LINGO2: variants seen among roughly 807,000 people sequenced by gnomAD.
The protein encoded by LINGO2 is leucine rich repeat and Ig domain containing 2.
Under a neutral mutation model 30.6 loss-of-function variants are expected in LINGO2, and 14 were observed. That is an observed-to-expected ratio of 0.46 (90% CI 0.30 to 0.72). The LOEUF is 0.72. Among genes scored for constraint, LINGO2 ranks in the 30% least tolerant of loss-of-function variants. The pLI, the probability that LINGO2 is intolerant of heterozygous loss-of-function variation, is 0.07. For synonymous variants in LINGO2, 317 were observed against 288.5 expected (o/e 1.10, Z -1.00); for missense variants, 729 against 751.7 (o/e 0.97, Z 0.35).
At chr9:28,714,599 TTTTGGTG>T in the LINGO2 span, among the ~76,000 whole-genome samples, 2 of 152,054 alleles carry the variant, frequency 1.3e-5, no homozygotes, top group Non-Finnish European at 2.9e-5. Flanking sequence ...ACGGCAGTCA[TTTTGGTG>T]TTTTAATGAG....
chr9:28,568,456 C>T (rs1039991794), intron 1 of LINGO2, among the ~76,000 whole-genome samples: 1 of 152,002 alleles, frequency 6.6e-6, no homozygotes, highest in Admixed American at 6.6e-5. Context: ...AACAATCCCA[C>T]ACATGTATTG....
At chr9:28,729,367 T>C in the LINGO2 span, among the ~76,000 whole-genome samples, 1 of 152,108 alleles carries the variant, frequency 6.6e-6, no homozygotes, top group Non-Finnish European at 1.5e-5. Flanking sequence ...AGATATTCCA[T>C]ACATCTGAGA....
At chr9:28,379,398 G>A (rs1243600962) in intron 2 of LINGO2, among the ~76,000 whole-genome samples, 2 of 152,092 alleles carry the variant, frequency 1.3e-5, no homozygotes, top group Non-Finnish European at 2.9e-5. Flanking sequence ...GTAGAGTGGT[G>A]TGGTTCAAAG....
At chr9:27,995,340 C>G (rs1821605924) in intron 5 of LINGO2, among the ~76,000 whole-genome samples, 1 of 152,138 alleles carries the variant, frequency 6.6e-6, no homozygotes, top group Non-Finnish European at 1.5e-5. Context: ...TCTACTCAAA[C>G]TGTTACAAAA....
At chr9:28,534,586 T>G (rs1014950953) in intron 1 of LINGO2, among the ~76,000 whole-genome samples, 7 of 152,190 alleles carry the variant, frequency 4.6e-5, no homozygotes, top group Non-Finnish European at 8.8e-5. Flanking sequence ...CTAAGAAAAC[T>G]TTCTTAATTT....
chr9:28,943,682 G>GA, the LINGO2 span, among the ~76,000 whole-genome samples: 24,311 of 152,020 alleles, frequency 0.16, 1,976 homozygotes, highest in South Asian at 0.2. Flanking sequence ...AAAACGAATT[G>GA]AAAAAAGTAA....
chr9:28,480,023 G>T (rs1825897266), intron 1 of LINGO2, among the ~76,000 whole-genome samples: 1 of 143,138 alleles, frequency 7.0e-6, no homozygotes, highest in African/African-American at 2.6e-5. Flanking sequence ...ATAATAAATT[G>T]CTATTATTTG....
At chr9:28,870,258 C>T in the LINGO2 span, among the ~76,000 whole-genome samples, 1 of 152,010 alleles carries the variant, frequency 6.6e-6, no homozygotes, top group African/African-American at 2.4e-5. Flanking sequence ...TGACAACAAT[C>T]GAACTGCACA....
At chr9:28,479,879 G>GTA (rs1292043201) in intron 1 of LINGO2, among the ~76,000 whole-genome samples, 30 of 124,428 alleles carry the variant, frequency 2.4e-4, no homozygotes, top group African/African-American at 8.4e-4. Flanking sequence ...GTGTGTGTGT[G>GTA]TGTGTATGTG....
intron 4 of LINGO2, among the ~76,000 whole-genome samples, chr9:28,017,821 C>G (rs1021480320): frequency 1.3e-5 from 2 of 152,144 alleles, no homozygotes; most frequent in Non-Finnish European, 2.9e-5. Context: ...TATCAAACTA[C>G]CAATGACATT....
At chr9:29,054,878 T>C in the LINGO2 span, among the ~76,000 whole-genome samples, 25,416 of 152,066 alleles carry the variant, frequency 0.17, 2,265 homozygotes, top group East Asian at 0.34. Flanking sequence ...TTTTCTTGGA[T>C]ATATTGAGTA....
chr9:28,302,640 C>T (rs1174417600), intron 3 of LINGO2, among the ~76,000 whole-genome samples: 1 of 152,158 alleles, frequency 6.6e-6, no homozygotes, highest in Non-Finnish European at 1.5e-5. Context: ...CACTGTACTC[C>T]AACCTGGGCA....
At chr9:28,223,457 G>A (rs1478874510) in intron 4 of LINGO2, among the ~76,000 whole-genome samples, 1 of 152,130 alleles carries the variant, frequency 6.6e-6, no homozygotes, top group African/African-American at 2.4e-5. Flanking sequence ...CTTCTTAAAG[G>A]CCCCACATCT....
At chr9:28,520,266 A>C (rs879351755) in intron 1 of LINGO2, among the ~76,000 whole-genome samples, 1 of 152,130 alleles carries the variant, frequency 6.6e-6, no homozygotes, top group Non-Finnish European at 1.5e-5. Flanking sequence ...TACTTCTAAA[A>C]TTTTATTATG....
chr9:28,656,544 C>T (rs1393508082), intron 1 of LINGO2, among the ~76,000 whole-genome samples: 1 of 151,962 alleles, frequency 6.6e-6, no homozygotes, highest in Non-Finnish European at 1.5e-5. Context: ...CACATCCAAA[C>T]TGAGATGTAA....
intron 4 of LINGO2, among the ~76,000 whole-genome samples, chr9:28,040,555 C>T (rs1301630254): frequency 6.9e-6 from 1 of 145,718 alleles, no homozygotes; most frequent in African/African-American, 2.5e-5. Context: ...TGAACCATGT[C>T]ATAATAGAGA....
intron 4 of LINGO2, among the ~76,000 whole-genome samples, chr9:28,278,642 G>T (rs563678476): frequency 2.0e-5 from 3 of 152,148 alleles, no homozygotes; most frequent in African/African-American, 4.8e-5. Flanking sequence ...GAGACCTACT[G>T]CTCAGAAAGA....
chr9:28,442,626 T>C (rs1309617997), intron 2 of LINGO2, among the ~76,000 whole-genome samples: 2 of 152,176 alleles, frequency 1.3e-5, no homozygotes, highest in Admixed American at 6.5e-5. Context: ...TGCATTCATT[T>C]ATTTTCTTGT....
the LINGO2 span, among the ~76,000 whole-genome samples, chr9:28,861,141 TA>T: frequency 8.5e-6 from 1 of 117,290 alleles, no homozygotes; most frequent in African/African-American, 3.5e-5. Flanking sequence ...TATAAATTTT[TA>T]TATAATTTAT....
Sources: gnomAD v4.1 joint callset for allele counts (sites outside exome capture counted in the v4.1 genomes callset) on GRCh38, gnomAD v4.1.1 for gene constraint, MANE v1.5 for transcripts, NCBI Gene and HGNC (gene_info 2026-07-23, HGNC 2026-07-21) for gene names.